Variants in UACA observed in about 807,000 individuals in gnomAD.
UACA encodes the protein uveal autoantigen with coiled-coil domains and ankyrin repeats.
UACA carries 112 observed loss-of-function variants against 160.5 expected under a neutral mutation model. The observed-to-expected ratio is 0.70, with a 90% CI of 0.60 to 0.82. The LOEUF is 0.82. UACA is among the 40% of genes least tolerant of loss of function. UACA has a pLI of 0.00. For missense variants in UACA, 1,574 were observed against 1,614.6 expected, an observed-to-expected ratio of 0.97 and a Z score of 0.43; for synonymous variants, 557 against 568.4, an observed-to-expected ratio of 0.98 and a Z score of 0.29.
At chr15:70,714,678 T>A (rs760897948) in intron 1 of UACA, among the ~76,000 whole-genome samples, 1 of 152,032 alleles carries the variant, frequency 6.6e-6, no homozygotes, top group African/African-American at 2.4e-5. Flanking sequence ...AAAAAAAAAA[T>A]TGAAGAACTG....
upstream of UACA, among the ~76,000 whole-genome samples, chr15:70,765,814 C>T (rs1326110330): frequency 6.6e-6 from 1 of 152,216 alleles, no homozygotes; most frequent in Admixed American, 6.5e-5. Context: ...TCTCAATCAA[C>T]TCCTTTCTCT....
chr15:70,716,317 G>A (rs1898820017), intron 1 of UACA, among the ~76,000 whole-genome samples: 1 of 152,140 alleles, frequency 6.6e-6, no homozygotes, highest in Admixed American at 6.5e-5. Flanking sequence ...TGCCATTTTA[G>A]ACCATCCAGT....
intron 1 of UACA, among the ~76,000 whole-genome samples, chr15:70,749,489 G>A (rs1010611706): frequency 1.3e-5 from 2 of 150,762 alleles, no homozygotes; most frequent in Non-Finnish European, 2.9e-5. Flanking sequence ...TCACGCCACC[G>A]CACTCTGGCC....
At chr15:70,701,118 A>G (rs988065859) in intron 1 of UACA, among the ~76,000 whole-genome samples, 1 of 152,190 alleles carries the variant, frequency 6.6e-6, no homozygotes, top group African/African-American at 2.4e-5. Flanking sequence ...CTGAAATTTA[A>G]TATTTTAATG....
intron 13 of UACA, among the ~76,000 whole-genome samples, chr15:70,673,851 G>T (rs1897219930): frequency 1.3e-5 from 2 of 152,024 alleles, no homozygotes; most frequent in Non-Finnish European, 2.9e-5. Flanking sequence ...ATTCTTAGTA[G>T]TTTGTTGGTT....
intron 1 of UACA, among the ~76,000 whole-genome samples, chr15:70,755,269 C>T (rs549622972): frequency 6.6e-6 from 1 of 151,990 alleles, no homozygotes; most frequent in South Asian, 2.1e-4. Flanking sequence ...TATAAACTCA[C>T]TAATAGGATA....
At chr15:70,682,669 G>GTT in intron 9 of UACA, 89 bp downstream of exon 9, 1 of 733,812 alleles carries the variant, frequency 1.4e-6, no homozygotes, top group African/African-American at 1.9e-5. Context: ...TTTAAACTCA[G>GTT]AATAGTTATG....
At chr15:70,723,924 G>A (rs377425552) in intron 1 of UACA, among the ~76,000 whole-genome samples, 1 of 152,152 alleles carries the variant, frequency 6.6e-6, no homozygotes, top group African/African-American at 2.4e-5. Flanking sequence ...GAGCCACCAC[G>A]CCTGGCCTTG....
chr15:70,776,480 T>G, the UACA span, among the ~76,000 whole-genome samples: 1 of 147,826 alleles, frequency 6.8e-6, no homozygotes, highest in Admixed American at 7.0e-5. Flanking sequence ...CAGGCTGGAG[T>G]GCAGTGGCGT....
chr15:70,702,084 A>G, intron 1 of UACA: 1 of 1,366,810 alleles, frequency 7.3e-7, no homozygotes, highest in South Asian at 1.9e-5. Flanking sequence ...CTTCGTCTTC[A>G]GGATCCTTCT....
rs1263630080 is a variant in UACA at position 70,723,242 on chromosome 15, C to A, written c.79-23582G>T. 2.0e-5 allele frequency among the ~76,000 whole-genome samples: 3 copies of A among 152,238 alleles called. 1 individual carries two copies. The highest frequency in any genetic ancestry group is 4.4e-5 in the Non-Finnish European group (3 of 68,048). On this transcript the variant is annotated intron_variant, in intron 1 of 18. Coordinates refer to ENST00000322954, the MANE Select transcript of UACA (RefSeq NM_018003.4). Reference sequence around the variant, plus strand: ...AGGTGCAGCGGCTCACGCCTGTAATCCTAAACTTTGGAAGGCCTAGAATGG... The same window carrying A: ...AGGTGCAGCGGCTCACGCCTGTAATACTAAACTTTGGAAGGCCTAGAATGG...
intron 1 of UACA, among the ~76,000 whole-genome samples, chr15:70,724,720 ACT>A (rs1899094551): frequency 2.0e-5 from 3 of 151,852 alleles, no homozygotes; most frequent in Non-Finnish European, 4.4e-5. Context: ...TATAGATTAA[ACT>A]CTTTCTCTAT....
intron 1 of UACA, among the ~76,000 whole-genome samples, chr15:70,705,050 G>A (rs1006890709): frequency 3.9e-5 from 6 of 152,068 alleles, no homozygotes; most frequent in African/African-American, 7.2e-5. Flanking sequence ...GTGACTGCTG[G>A]GATTGGCCAA....
chr15:70,774,454 G>T, the UACA span, among the ~76,000 whole-genome samples: 2 of 151,494 alleles, frequency 1.3e-5, no homozygotes, highest in South Asian at 2.1e-4. Flanking sequence ...GCTGAGGCAG[G>T]AGAATGGCGT....
intron 3 of UACA, 57 bp from the exon 4 acceptor site, chr15:70,691,420 A>AT: frequency 2.4e-6 from 3 of 1,272,712 alleles, no homozygotes; most frequent in Non-Finnish European, 2.2e-6. Flanking sequence ...TAAATTGAGG[A>AT]TTTTTATAGA....
chr15:70,658,000 T>C (rs1353185304), intron 18 of UACA, among the ~76,000 whole-genome samples: 1 of 151,418 alleles, frequency 6.6e-6, no homozygotes, highest in Non-Finnish European at 1.5e-5. Flanking sequence ...TGAGGGAGGA[T>C]GATCACTTGA....
intron 16 of UACA, among the ~76,000 whole-genome samples, chr15:70,666,498 G>A (rs111556163): frequency 0.011 from 1,731 of 152,272 alleles, 28 homozygotes; most frequent in African/African-American, 0.04. Flanking sequence ...TCTCCCCATC[G>A]TTCCTGAATT....
chr15:70,756,190 G>A (rs1051508070), intron 1 of UACA, among the ~76,000 whole-genome samples: 4 of 144,096 alleles, frequency 2.8e-5, no homozygotes, highest in Admixed American at 2.0e-4. Flanking sequence ...TTTTTTTGAT[G>A]GAGTCTTGCT....
At chr15:70,683,646 T>C (rs768455208) in intron 8 of UACA, among the ~76,000 whole-genome samples, 8 of 152,074 alleles carry the variant, frequency 5.3e-5, no homozygotes, top group Non-Finnish European at 1.2e-4. Context: ...ACAAAAATCA[T>C]ACTATAGAAA....
Sources: allele counts gnomAD v4.1 joint callset (sites outside exome capture counted in the v4.1 genomes callset), GRCh38; gene constraint gnomAD v4.1.1; transcripts MANE v1.5; gene names NCBI Gene and HGNC (gene_info 2026-07-23, HGNC 2026-07-21).